MAP2K5: variants seen among roughly 807,000 people sequenced by gnomAD.
MAP2K5 encodes the protein mitogen-activated protein kinase kinase 5, also known as dual specificity mitogen-activated protein kinase kinase 5.
Under a neutral mutation model 83.1 loss-of-function variants are expected in MAP2K5, and 49 were observed. The ratio of observed to expected loss-of-function variants is 0.59; its 90% CI spans 0.47 to 0.75. The LOEUF is 0.75. Ranked by LOEUF, MAP2K5 falls within the 30% of genes least tolerant of loss-of-function variation. The pLI, the probability that MAP2K5 is intolerant of heterozygous loss-of-function variation, is 0.00. For missense variants in MAP2K5, 457 were observed against 557.5 expected (o/e 0.82, Z 1.82); for synonymous variants, 202 against 191.8 (o/e 1.05, Z -0.44).
In MAP2K5 at chr15:67,724,315, T is replaced by C. The variant is rs2089039347; in HGVS notation, c.1045-3601T>C. On this transcript the variant is annotated intron_variant, in intron 16 of 21. Transcript: ENST00000178640. This position sits in a 1 kb window ranked among gnomAD's most constrained non-coding sequence, Gnocchi z 4.4. ...GTGTGAAATATTCACTTGGAGCATA[T>C]GTGCTCCTTCTTCCCCATAAGGGTC... is the stretch of plus-strand genomic sequence containing the variant. Among the ~76,000 whole-genome samples, 1 of 152,222 alleles carries C rather than the reference T, an allele frequency of 6.6e-6. No homozygotes were observed.
At chr15:67,752,755 C>T (rs1286042292) in intron 19 of MAP2K5, among the ~76,000 whole-genome samples, 3 of 151,110 alleles carry the variant, frequency 2.0e-5, no homozygotes, top group South Asian at 2.1e-4. Context: ...AATATTGTTA[C>T]GATGGAAATA....
At chr15:67,667,261 C>G (rs2141158734) in intron 13 of MAP2K5, among the ~76,000 whole-genome samples, 1 of 152,266 alleles carries the variant, frequency 6.6e-6, no homozygotes, top group South Asian at 2.1e-4. Context: ...AAAATTGTAG[C>G]TTTTTAGATC....
chr15:67,598,523 C>G (rs2085579350), intron 7 of MAP2K5, among the ~76,000 whole-genome samples: 1 of 152,204 alleles, frequency 6.6e-6, no homozygotes, highest in South Asian at 2.1e-4. Flanking sequence ...CTCCTCCTCC[C>G]TGCACTCCTT....
rs761604391 is a variant in MAP2K5 at position 67,614,428 on chromosome 15, T to A, written c.545+13679T>A. ...GAAACTGTGAGCAAAGATTAGATGGTTATCACGTTGTTTCAAGAGAGAGTT... is the reference window on the plus strand; with the variant it reads ...GAAACTGTGAGCAAAGATTAGATGGATATCACGTTGTTTCAAGAGAGAGTT... On this transcript the variant is annotated intron_variant, in intron 8 of 21. Coordinates refer to ENST00000178640, the MANE Select transcript of MAP2K5 (RefSeq NM_145160.3). 2.0e-5 allele frequency among the ~76,000 whole-genome samples: 3 copies of A among 152,328 alleles called. No individual in the cohort carries two copies. In the East Asian group the frequency reaches 5.8e-4, roughly 29 times the overall value.
chr15:67,655,339 A>G (rs563920638), intron 11 of MAP2K5, among the ~76,000 whole-genome samples: 3 of 152,268 alleles, frequency 2.0e-5, no homozygotes, highest in African/African-American at 7.2e-5. Flanking sequence ...TTTAACTTCA[A>G]TCTAAAGTTC....
intron 3 of MAP2K5, among the ~76,000 whole-genome samples, chr15:67,568,612 A>G (rs1396973198): frequency 1.3e-5 from 2 of 152,178 alleles, no homozygotes; most frequent in Non-Finnish European, 2.9e-5. Flanking sequence ...GCTCTCTATT[A>G]TAGTCCTGCT....
chr15:67,746,555 G>A lies in MAP2K5; in HGVS notation c.1075-1676G>A, dbSNP rs570648361. On this transcript the variant is annotated intron_variant, in intron 17 of 21. Transcript: ENST00000178640. The surrounding 1 kb of genome is among the most constrained non-coding windows in gnomAD (Gnocchi z 4.1). ...TTTAAAGGTAGTTTGGCTTGTTACT[G>A]AAATTCTTAACCACTTCCGGGTGGT... Among the ~76,000 whole-genome samples the A allele has an allele frequency of 3.0e-4, 45 of 152,148 alleles. No individual in the cohort carries two copies. The highest frequency in any genetic ancestry group is 9.4e-4 in the African/African-American group (39 of 41,514).
chr15:67,544,007 C>T (rs191437155), intron 1 of MAP2K5, among the ~76,000 whole-genome samples: 17 of 152,342 alleles, frequency 1.1e-4, no homozygotes, highest in African/African-American at 3.8e-4. Context: ...GCCTCCTGGG[C>T]TCAAGCGATT....
chr15:67,657,411 C>T (rs1054867688), intron 11 of MAP2K5, among the ~76,000 whole-genome samples: 2 of 152,008 alleles, frequency 1.3e-5, no homozygotes, highest in African/African-American at 4.8e-5. Flanking sequence ...CTTTTTTATT[C>T]TGTTTATCCT....
chr15:67,626,742 TAAAAA>T (rs1169721840), intron 8 of MAP2K5, among the ~76,000 whole-genome samples: 2 of 147,000 alleles, frequency 1.4e-5, no homozygotes, highest in Non-Finnish European at 3.0e-5. Flanking sequence ...CTTAAAAACT[TAAAAA>T]AAATTAGCCA....
intron 8 of MAP2K5, among the ~76,000 whole-genome samples, chr15:67,603,867 A>G (rs867346534): frequency 1.3e-4 from 20 of 152,348 alleles, no homozygotes; most frequent in African/African-American, 4.3e-4. Context: ...AAACTAGATG[A>G]AGAAAATATT....
rs11418264 is a variant in MAP2K5, at chr15:67,690,538, AT to A, written c.848-1927del. Among the ~76,000 whole-genome samples the A allele has an allele frequency of 9.5e-5, 14 of 146,880 alleles. No homozygotes were observed. Among genetic ancestry groups the A allele is most frequent in the African/African-American group, 2.2e-4 (9 of 40,160 alleles). On this transcript the variant is annotated intron_variant, in intron 13 of 21. Transcript: ENST00000178640. This position sits in a 1 kb window ranked among gnomAD's most constrained non-coding sequence, Gnocchi z 4.3. ...GGTAAAGGGGACATTTGTCTTAGCA[AT>A]TTTTTTTTTTTTTGAGACAAGTCTC...
At chr15:67,591,773 A>G (rs1246547928) in intron 6 of MAP2K5, among the ~76,000 whole-genome samples, 1 of 152,104 alleles carries the variant, frequency 6.6e-6, no homozygotes, top group Non-Finnish European at 1.5e-5. Flanking sequence ...CTCATTATAA[A>G]GCTAGATGAC....
In MAP2K5 at chr15:67,611,516, G is replaced by A. The variant is rs143221095; in HGVS notation, c.545+10767G>A. Reference sequence around the variant, plus strand: ...CCTTATACGTGGAAGATGCCAAGAGGTACTCAGAGTCACTGTGGTTGCATT... The same window carrying A: ...CCTTATACGTGGAAGATGCCAAGAGATACTCAGAGTCACTGTGGTTGCATT... On this transcript the variant is annotated intron_variant, in intron 8 of 21. Transcript: ENST00000178640. Among the ~76,000 whole-genome samples, 501 of 152,234 alleles carry A rather than the reference G, an allele frequency of 3.3e-3. 1 individual carries two copies. Among genetic ancestry groups the A allele is most frequent in the Admixed American group, 4.3e-3 (65 of 15,284 alleles).
chr15:67,602,849 TCACTATATTGGC>T (rs2085691920), intron 8 of MAP2K5, among the ~76,000 whole-genome samples: 1 of 152,190 alleles, frequency 6.6e-6, no homozygotes, highest in Non-Finnish European at 1.5e-5. Flanking sequence ...AGATGGGGTT[TCACTATATTGGC>T]CAGACTGGTC....
intron 8 of MAP2K5, among the ~76,000 whole-genome samples, chr15:67,612,895 G>C (rs2085961351): frequency 6.6e-6 from 1 of 152,144 alleles, no homozygotes; most frequent in Non-Finnish European, 1.5e-5. Flanking sequence ...ATTGATTTCA[G>C]CATTGATTTT....
chr15:67,679,458 G>C (rs1341320169), intron 13 of MAP2K5, among the ~76,000 whole-genome samples: 1 of 152,040 alleles, frequency 6.6e-6, no homozygotes, highest in East Asian at 1.9e-4. Context: ...ACTATGGTTG[G>C]TGGACCAAAT....
intron 11 of MAP2K5, among the ~76,000 whole-genome samples, chr15:67,653,266 G>T (rs1275145698): frequency 6.7e-6 from 1 of 148,442 alleles, no homozygotes; most frequent in East Asian, 2.0e-4. Context: ...CTAAAAGTTT[G>T]TCAGTTTCTC....
At chr15:67,729,113 G>A (rs1348131757) in intron 17 of MAP2K5, among the ~76,000 whole-genome samples, 1 of 152,158 alleles carries the variant, frequency 6.6e-6, no homozygotes, top group African/African-American at 2.4e-5. Flanking sequence ...CAGTTGCTTG[G>A]CATGAATGCT....
Sources: gnomAD v4.1 joint callset for allele counts (sites outside exome capture counted in the v4.1 genomes callset) on GRCh38, gnomAD v4.1.1 for gene constraint, Gnocchi (gnomAD v3.1) non-coding constraint, MANE v1.5 for transcripts, NCBI Gene and HGNC (gene_info 2026-07-23, HGNC 2026-07-21) for gene names.